The following HDAC9 variants were observed in gnomAD, a reference collection of about 807,000 sequenced individuals.
HDAC9 encodes the protein histone deacetylase 9.
In HDAC9, 41 loss-of-function variants were observed where a neutral mutation model predicts 139.4. That is an observed-to-expected ratio of 0.29 (90% CI 0.23 to 0.38). The LOEUF (loss-of-function observed/expected upper bound fraction) is 0.38. Among genes scored for constraint, HDAC9 ranks in the 10% least tolerant of loss-of-function variants. HDAC9 has a pLI of 1.00. For synonymous variants in HDAC9, 517 were observed against 476.2 expected (o/e 1.09, Z -1.12); for missense variants, 1,147 against 1,297.0 (o/e 0.88, Z 1.78).
At chr7:18,782,510 T>A (rs1464156841) in intron 16 of HDAC9, among the ~76,000 whole-genome samples, 1 of 152,062 alleles carries the variant, frequency 6.6e-6, no homozygotes, top group Non-Finnish European at 1.5e-5. Flanking sequence ...TGAGCTATGC[T>A]GGATGTGCTT....
At chr7:18,950,472 T>A (rs1782713935) in intron 23 of HDAC9, among the ~76,000 whole-genome samples, 1 of 152,096 alleles carries the variant, frequency 6.6e-6, no homozygotes, top group Non-Finnish European at 1.5e-5. Context: ...TTTTATTTTG[T>A]CTTGTTAGCT....
intron 1 of HDAC9, among the ~76,000 whole-genome samples, chr7:18,117,266 GAGA>G (rs1008646768): frequency 6.6e-6 from 1 of 151,964 alleles, no homozygotes; most frequent in African/African-American, 2.4e-5. Flanking sequence ...TAAAAAAGAA[GAGA>G]AGGTCAGGAG....
At chr7:18,622,787 A>G (rs6974604) in intron 6 of HDAC9, among the ~76,000 whole-genome samples, 65,585 of 151,736 alleles carry the variant, frequency 0.43, 15,361 homozygotes, top group South Asian at 0.6. Context: ...ATACCACACA[A>G]TGTGGTATTG....
rs1394411847 is a variant in HDAC9 at position 18,996,758 on chromosome 7, A to C, written c.*696A>C. ...GCAATATTTTATATCACTTTTTTTTAAACATCCCCAACATCTTTGTGTTCT... is the reference window on the plus strand; with the variant it reads ...GCAATATTTTATATCACTTTTTTTTCAACATCCCCAACATCTTTGTGTTCT... On this transcript the variant is annotated 3_prime_UTR_variant, in exon 26 of 26. Coordinates refer to ENST00000686413, the MANE Select transcript of HDAC9 (RefSeq NM_178425.4). The C allele has an allele frequency of 6.6e-6, 1 of 152,058 alleles. No individual in the cohort carries two copies. The highest frequency in any genetic ancestry group is 2.4e-5 in the African/African-American group (1 of 41,392). The allele number at this position is 152,058 out of a possible 1,614,324, so 9.4% of individuals were successfully genotyped here.
intron 24 of HDAC9, 100 bp from the exon 25 acceptor site, chr7:18,975,705 AT>A (rs1476786299): frequency 1.3e-4 from 142 of 1,128,036 alleles, no homozygotes; most frequent in Non-Finnish European, 6.8e-5. Flanking sequence ...AACATGGGGA[AT>A]TTTAACTTAA....
intron 12 of HDAC9, among the ~76,000 whole-genome samples, chr7:18,721,724 A>G (rs141143216): frequency 6.6e-6 from 1 of 152,320 alleles, no homozygotes; most frequent in African/African-American, 2.4e-5. Context: ...TAGCAACAAG[A>G]AAGCAAAGCA....
chr7:18,502,561 G>A (rs1480970304), intron 2 of HDAC9: 1 of 152,132 alleles, frequency 6.6e-6, no homozygotes, highest in East Asian at 1.9e-4. Context: ...AATGGACTAT[G>A]TTTATAATTT....
rs373742053 is a variant in HDAC9 at position 18,356,077 on chromosome 7, T to G, written c.-42+65562T>G. Among the ~76,000 whole-genome samples the G allele has an allele frequency of 7.9e-5, 12 of 152,226 alleles. No individual in the cohort carries two copies. The South Asian group carries it at 1.5e-3, about 18-fold the overall frequency. On this transcript the variant is annotated intron_variant, in intron 1 of 3. Coordinates refer to the HDAC9 transcript ENST00000413509. ...TGACCAAATTTATGGTATCTAAATA[T>G]ACCTTAGTAAAGTCATTTTTAAAAA...
chr7:18,123,797 A>G (rs1345954026), intron 1 of HDAC9, among the ~76,000 whole-genome samples: 1 of 152,154 alleles, frequency 6.6e-6, no homozygotes, highest in East Asian at 1.9e-4. Flanking sequence ...ACTAGAGTTA[A>G]TTCTCTCACA....
chr7:18,520,698 A>C (rs1176298269), intron 2 of HDAC9, among the ~76,000 whole-genome samples: 1 of 152,192 alleles, frequency 6.6e-6, no homozygotes, highest in Non-Finnish European at 1.5e-5. Context: ...CAGTCCTACT[A>C]CCGTAAATGT....
intron 1 of HDAC9, among the ~76,000 whole-genome samples, chr7:18,437,704 T>TG (rs1250741829): frequency 3.3e-5 from 5 of 151,768 alleles, no homozygotes; most frequent in Non-Finnish European, 5.9e-5. Context: ...ACTGTTAGCA[T>TG]CATCACTGTA....
At chr7:18,390,961 C>T (rs1263580663) in intron 1 of HDAC9, among the ~76,000 whole-genome samples, 2 of 151,568 alleles carry the variant, frequency 1.3e-5, no homozygotes, top group Admixed American at 1.3e-4. Flanking sequence ...TGGTGGCACA[C>T]ACCTGTAGTC....
At chr7:18,092,847 GA>G (rs1782254926) in intron 1 of HDAC9, among the ~76,000 whole-genome samples, 1 of 152,128 alleles carries the variant, frequency 6.6e-6, no homozygotes, top group Admixed American at 6.5e-5. Flanking sequence ...GAAAGGAGTA[GA>G]AAACCTTTGA....
intron 1 of HDAC9, among the ~76,000 whole-genome samples, chr7:18,095,396 A>C (rs1782441554): frequency 1.3e-5 from 2 of 152,208 alleles, no homozygotes. Context: ...TTATTACCCC[A>C]AACAGCATCC....
At chr7:18,461,066 C>T (rs1475427069) in intron 1 of HDAC9, among the ~76,000 whole-genome samples, 1 of 151,998 alleles carries the variant, frequency 6.6e-6, no homozygotes, top group Non-Finnish European at 1.5e-5. Context: ...AAAAGAATAA[C>T]AAAGTTAGGC....
intron 2 of HDAC9, among the ~76,000 whole-genome samples, chr7:18,203,977 C>G (rs944575913): frequency 6.6e-6 from 1 of 152,134 alleles, no homozygotes; most frequent in African/African-American, 2.4e-5. Flanking sequence ...GTTTTGAAAG[C>G]TCATGCATAC....
chr7:18,502,895 A>C (rs559687723), intron 2 of HDAC9, among the ~76,000 whole-genome samples: 2 of 152,256 alleles, frequency 1.3e-5, no homozygotes, highest in East Asian at 3.9e-4. Context: ...AGGCACACAA[A>C]ATTTTTTTTG....
chr7:18,264,745 G>A (rs1795895870), intron 2 of HDAC9, among the ~76,000 whole-genome samples: 1 of 152,180 alleles, frequency 6.6e-6, no homozygotes, highest in East Asian at 1.9e-4. Flanking sequence ...GAATAGACTA[G>A]TTTATATTAC....
intron 1 of HDAC9, among the ~76,000 whole-genome samples, chr7:18,332,357 G>A (rs972723635): frequency 9.7e-5 from 11 of 113,294 alleles, no homozygotes; most frequent in South Asian, 3.1e-4. Context: ...CTGTGCATGC[G>A]CACATGTGTG....
Sources: allele counts gnomAD v4.1 joint callset (sites outside exome capture counted in the v4.1 genomes callset), GRCh38; gene constraint gnomAD v4.1.1; transcripts MANE v1.5; gene names NCBI Gene and HGNC (gene_info 2026-07-23, HGNC 2026-07-21).